The following MTMR7 variants were observed in gnomAD, a reference collection of about 807,000 sequenced individuals.
The protein encoded by MTMR7 is phosphatidylinositol-3-phosphate phosphatase MTMR7.
Under a neutral mutation model 81.2 loss-of-function variants are expected in MTMR7, and 76 were observed. The ratio of observed to expected loss-of-function variants is 0.94; its 90% CI spans 0.78 to 1.13. The LOEUF (loss-of-function observed/expected upper bound fraction) is 1.13, where lower values mean the gene tolerates loss of function less well. Among genes scored for constraint, MTMR7 ranks in the 50% most tolerant of loss-of-function variants. MTMR7 has a pLI of 0.00. For missense variants in MTMR7, 1,044 were observed against 820.0 expected (o/e 1.27, Z -3.34); for synonymous variants, 372 against 289.8 (o/e 1.28, Z -2.88).
At chr8:17,353,831 CCCTTGGTGCTGT>C (rs1318059833) in intron 4 of MTMR7, among the ~76,000 whole-genome samples, 1 of 152,206 alleles carries the variant, frequency 6.6e-6, no homozygotes, top group Non-Finnish European at 1.5e-5. Flanking sequence ...GTGCCCACAT[CCCTTGGTGCTGT>C]CCTGGCAAGG....
chr8:17,327,994 C>T (rs1818777643), intron 7 of MTMR7, among the ~76,000 whole-genome samples: 2 of 152,164 alleles, frequency 1.3e-5, no homozygotes, highest in African/African-American at 4.8e-5. Context: ...TGGCAAAGAG[C>T]AGTTGCTCAA....
At chr8:17,302,036 TCTA>T (rs1817151339) in intron 13 of MTMR7, 115 bp downstream of exon 13, 1 of 1,358,134 alleles carries the variant, frequency 7.4e-7, no homozygotes, top group African/African-American at 1.4e-5. Context: ...TTTCAGGTGT[TCTA>T]CTGACTAAAA....
At chr8:17,387,937 G>A (rs1475240324) in intron 1 of MTMR7, among the ~76,000 whole-genome samples, 1 of 152,208 alleles carries the variant, frequency 6.6e-6, no homozygotes, top group Non-Finnish European at 1.5e-5. Flanking sequence ...TAAAACAGCA[G>A]ATTTGACTGA....
intron 1 of MTMR7, among the ~76,000 whole-genome samples, chr8:17,389,885 C>A (rs535161455): frequency 6.6e-6 from 1 of 152,170 alleles, no homozygotes; most frequent in East Asian, 1.9e-4. Context: ...AGCTTCGACA[C>A]CAAGTCACAT....
chr8:17,313,772 A>T (rs2150491911), intron 7 of MTMR7, among the ~76,000 whole-genome samples: 1 of 152,306 alleles, frequency 6.6e-6, no homozygotes. Flanking sequence ...TGCTATGAGG[A>T]AAAAAATCAT....
chr8:17,396,206 T>C (rs895616444), intron 1 of MTMR7, among the ~76,000 whole-genome samples: 2 of 151,556 alleles, frequency 1.3e-5, no homozygotes. Flanking sequence ...TCATCCTGCC[T>C]GCAAGAACAC....
At chr8:17,348,236 A>T (rs1819618661) in intron 5 of MTMR7, among the ~76,000 whole-genome samples, 1 of 152,110 alleles carries the variant, frequency 6.6e-6, no homozygotes. Context: ...AAGAACATGA[A>T]ATTTAAAAAC....
intron 4 of MTMR7, among the ~76,000 whole-genome samples, chr8:17,360,241 T>G (rs371871981): frequency 6.6e-6 from 1 of 152,158 alleles, no homozygotes; most frequent in African/African-American, 2.4e-5. Flanking sequence ...CATAAAAAAT[T>G]AATATACACA....
In MTMR7 at chr8:17,372,580, T is replaced by G. The variant is rs527611974; in HGVS notation, c.147+538A>C. On this transcript the variant is annotated intron_variant, in intron 2 of 13. Transcript: ENST00000180173. ...TCCAGCCTGGGCAACAGAGTAAGAC[T>G]CCATCTCAAAAATAATATTAATAAT... 5.3e-5 allele frequency among the ~76,000 whole-genome samples: 8 copies of G among 152,122 alleles called. No homozygotes were observed. In the South Asian group the frequency reaches 1.7e-3, roughly 32 times the overall value.
chr8:17,330,346 AGACAGTGCATG>A (rs1337048565), intron 7 of MTMR7, among the ~76,000 whole-genome samples: 2 of 152,212 alleles, frequency 1.3e-5, no homozygotes, highest in African/African-American at 4.8e-5. Context: ...CCAGAAGCGC[AGACAGTGCATG>A]GACAGCCAAG....
chr8:17,299,591 G>GTAAT lies in MTMR7; in HGVS notation c.*267_*270dup, dbSNP rs1200696977. On this transcript the variant is annotated 3_prime_UTR_variant, in exon 14 of 14. Transcript: ENST00000180173. ...CTGATCACTTCAGGTAATGACAGAA[G>GTAAT]TAATTGCTCTGCAGTGAATATAATT... is the stretch of plus-strand genomic sequence containing the variant. 4.9e-6 allele frequency: 2 copies of GTAAT among 411,712 alleles called. No individual in the cohort carries two copies. The highest frequency in any genetic ancestry group is 4.4e-5 in the East Asian group (1 of 22,600). 25.5% of individuals were successfully genotyped at this position (411,712 alleles called of 1,614,324 possible). A position where few individuals can be genotyped will look rare whatever the true frequency, so the allele number is the denominator to read the frequency against.
intron 1 of MTMR7, among the ~76,000 whole-genome samples, chr8:17,379,958 C>G (rs2150571416): frequency 6.6e-6 from 1 of 152,174 alleles, no homozygotes; most frequent in South Asian, 2.1e-4. Flanking sequence ...CCATAACGCA[C>G]TGAGGGTTTG....
chr8:17,374,352 G>C (rs567751354), intron 1 of MTMR7, among the ~76,000 whole-genome samples: 1 of 152,278 alleles, frequency 6.6e-6, no homozygotes, highest in African/African-American at 2.4e-5. Context: ...GCCGGGAGCG[G>C]TGGCTCACGC....
At chr8:17,311,379 C>A in intron 9 of MTMR7, 132 bp downstream of exon 9, 1 of 1,202,628 alleles carries the variant, frequency 8.3e-7, no homozygotes, top group Non-Finnish European at 1.2e-6. Context: ...ATCTCTTCCC[C>A]TTTAATCTTG....
chr8:17,299,717 G>T lies in MTMR7; in HGVS notation c.*145C>A. The T allele has an allele frequency of 9.3e-7, 1 of 1,080,920 alleles. No homozygotes were observed. The allele number at this position is 1,080,920 out of a possible 1,614,324, so 67.0% of individuals were successfully genotyped here. A position where few individuals can be genotyped will look rare whatever the true frequency, so the allele number is the denominator to read the frequency against. On this transcript the variant is annotated 3_prime_UTR_variant, in exon 14 of 14. Transcript: ENST00000180173. Reference sequence around the variant, plus strand: ...TCAGTATCTAAGAAATCAAGAACTGGGCACTTTTTTCCCTTTTCATAGCTG... The same window carrying T: ...TCAGTATCTAAGAAATCAAGAACTGTGCACTTTTTTCCCTTTTCATAGCTG...
chr8:17,370,973 T>G (rs1032167650), intron 3 of MTMR7, 64 bp downstream of exon 3: 1 of 1,534,040 alleles, frequency 6.5e-7, no homozygotes, highest in African/African-American at 1.4e-5. Context: ...ATACAAATTC[T>G]TGAATCTGAT....
chr8:17,339,135 A>G (rs777442290), intron 6 of MTMR7: 4 of 152,210 alleles, frequency 2.6e-5, no homozygotes, highest in East Asian at 1.9e-4. Flanking sequence ...GGGATCACCA[A>G]TGAGTGTAGA....
At chr8:17,325,136 G>A (rs2239866) in intron 7 of MTMR7, among the ~76,000 whole-genome samples, 60,088 of 151,654 alleles carry the variant, frequency 0.4, 13,288 homozygotes, top group African/African-American at 0.61. Flanking sequence ...GACAGCCACA[G>A]CCTCTCCTCT....
At chr8:17,305,258 T>G (rs1390768379) in intron 11 of MTMR7, among the ~76,000 whole-genome samples, 1 of 152,250 alleles carries the variant, frequency 6.6e-6, no homozygotes, top group Non-Finnish European at 1.5e-5. Flanking sequence ...TGTTCTCTCA[T>G]GTATACTGCC....
Sources: allele counts gnomAD v4.1 joint callset (sites outside exome capture counted in the v4.1 genomes callset), GRCh38; gene constraint gnomAD v4.1.1; transcripts MANE v1.5; gene names NCBI Gene and HGNC (gene_info 2026-07-23, HGNC 2026-07-21).